Variants in BCL9 observed in about 807,000 individuals in gnomAD.
BCL9 encodes the protein BCL9 transcription coactivator, also known as B-cell CLL/lymphoma 9 protein.
In BCL9, 25 loss-of-function variants were observed where a neutral mutation model predicts 88.5. The observed-to-expected ratio is 0.28, with a 90% confidence interval of 0.21 to 0.39. The LOEUF is 0.39. BCL9 is among the 10% of genes least tolerant of loss of function. The probability of loss-of-function intolerance (pLI) is 1.00; values close to 1 mark genes in which losing one functional copy is unlikely to be tolerated. For synonymous variants in BCL9, 711 were observed against 673.3 expected (o/e 1.06, Z -0.87); for missense variants, 1,817 against 1,877.8 (o/e 0.97, Z 0.60).
At chr1:147,604,247 C>T (rs1296042721) in intron 1 of BCL9, among the ~76,000 whole-genome samples, 1 of 152,144 alleles carries the variant, frequency 6.6e-6, no homozygotes, top group Non-Finnish European at 1.5e-5. Context: ...TTCCCGTCCC[C>T]CAGGTCTATC....
chr1:147,574,747 G>T (rs782002155), intron 1 of BCL9, among the ~76,000 whole-genome samples: 5 of 152,288 alleles, frequency 3.3e-5, no homozygotes, highest in Middle Eastern at 6.8e-3. Context: ...TTTGTTTCAT[G>T]TCTGATTAAA....
At chr1:147,555,709 G>A (rs1655076721) in intron 1 of BCL9, among the ~76,000 whole-genome samples, 1 of 152,092 alleles carries the variant, frequency 6.6e-6, no homozygotes, top group Middle Eastern at 3.4e-3. Flanking sequence ...ATCATTTTTT[G>A]TCCCGGGTTC....
chr1:147,603,312 C>A (rs966304403), intron 1 of BCL9, among the ~76,000 whole-genome samples: 1 of 152,134 alleles, frequency 6.6e-6, no homozygotes, highest in African/African-American at 2.4e-5. Context: ...AGCAAAGGTC[C>A]CCATGGAGAT....
chr1:147,559,131 T>TC (rs1655253806), intron 1 of BCL9, among the ~76,000 whole-genome samples: 1 of 142,206 alleles, frequency 7.0e-6, no homozygotes, highest in Admixed American at 7.2e-5. Flanking sequence ...TCTTCTTCTT[T>TC]TTTTTTTTTG....
chr1:147,602,775 T>A (rs1048702509), intron 1 of BCL9, among the ~76,000 whole-genome samples: 1 of 152,148 alleles, frequency 6.6e-6, no homozygotes, highest in Non-Finnish European at 1.5e-5. Context: ...AAGTGTCTGC[T>A]CCTGTGAATA....
intron 1 of BCL9, among the ~76,000 whole-genome samples, chr1:147,574,039 A>G (rs79814755): frequency 0.021 from 3,248 of 152,172 alleles, 63 homozygotes; most frequent in Non-Finnish European, 0.031. Flanking sequence ...TATATATGTT[A>G]CCTCTTTAAT....
At position 147,619,149 on chromosome 1, in the gene BCL9, C is replaced by G; in HGVS notation, c.994C>G (p.Pro332Ala). 1 of 1,613,292 alleles carries G rather than the reference C, an allele frequency of 6.2e-7. No individual in the cohort carries two copies. Among genetic ancestry groups the G allele is most frequent in the African/African-American group, 1.3e-5 (1 of 75,042 alleles). ...NSSSADPKAPPPPPVSSGEPP... is the reference protein window; with the variant it reads ...NSSSADPKAPAPPPVSSGEPP... Reference sequence around the variant, plus strand: ...CTCTTCAGCAGATCCCAAAGCCCCTCCGCCTCCACCAGTGTCCAGTGGCGA... The same window carrying G: ...CTCTTCAGCAGATCCCAAAGCCCCTGCGCCTCCACCAGTGTCCAGTGGCGA... The change falls in exon 8 of 10, where the codon CCG (proline) becomes GCG (alanine). Residue 332 changes from proline to alanine, a missense_variant. Physicochemically the swap from Pro to Ala is conservative, Grantham distance 27. Around this residue, in one of 2 missense-constraint regions of BCL9, gnomAD observed 1,228 missense variants for 1,191.6 expected, o/e 1.03. Transcript: ENST00000234739. The surrounding 1 kb of genome is among the most constrained non-coding windows in gnomAD (Gnocchi z 4.1).
At chr1:147,616,296 A>G (rs1278932142) in intron 7 of BCL9, among the ~76,000 whole-genome samples, 2 of 152,268 alleles carry the variant, frequency 1.3e-5, no homozygotes, top group African/African-American at 4.8e-5. Context: ...TAAAACTTCT[A>G]GAGTACATGA....
chr1:147,620,268 C>A lies in BCL9; in HGVS notation c.2113C>A (p.Arg705=). Residue 705 remains arginine (R), a synonymous_variant, in exon 8 of 10, where the codon CGG becomes AGG. Coordinates refer to ENST00000234739, the MANE Select transcript of BCL9 (RefSeq NM_004326.4). The part of the protein sequence containing the change: ...KGIPPQMGPG[R]ELEFGMVPSG... ...AATTCCCCCACAGATGGGCCCTGGT[C>A]GGGAACTTGAGTTTGGGATGGTTCC... 1 of 1,614,144 alleles carries A rather than the reference C, an allele frequency of 6.2e-7. No individual in the cohort carries two copies. Among genetic ancestry groups the A allele is most frequent in the East Asian group, 2.2e-5 (1 of 44,882 alleles).
At chr1:147,564,436 G>T (rs1655516352) in intron 1 of BCL9, among the ~76,000 whole-genome samples, 1 of 152,038 alleles carries the variant, frequency 6.6e-6, no homozygotes, top group East Asian at 1.9e-4. Flanking sequence ...ACTGGAGGTT[G>T]TACTGCCCGT....
At chr1:147,583,926 C>T (rs587775567) in intron 1 of BCL9, among the ~76,000 whole-genome samples, 1 of 152,062 alleles carries the variant, frequency 6.6e-6, no homozygotes, top group South Asian at 2.1e-4. Context: ...GCCCTCCCTC[C>T]AGCCTGAATG....
chr1:147,547,838 G>GT lies in BCL9; in HGVS notation c.-478+6166dup, dbSNP rs763687672. Among the ~76,000 whole-genome samples the GT allele has an allele frequency of 3.8e-4, 58 of 152,170 alleles. 1 individual carries two copies. The highest frequency in any genetic ancestry group is 7.3e-4 in the Non-Finnish European group (50 of 68,034). On this transcript the variant is annotated intron_variant, in intron 1 of 9. Coordinates refer to ENST00000234739, the MANE Select transcript of BCL9 (RefSeq NM_004326.4). Reference sequence around the variant, plus strand: ...TCTGTAGAAATTTGTGAAGCGTTTGGTTACCGATGAATGCTAAACATTATA... The same window carrying GT: ...TCTGTAGAAATTTGTGAAGCGTTTGGTTTACCGATGAATGCTAAACATTATA...
rs1658693455 is a variant in BCL9, at chr1:147,622,436, C to T, written c.3068C>T (p.Pro1023Leu). ...MSKFAMPSSTPLYHDAIKTVA... is the reference protein window; with the variant it reads ...MSKFAMPSSTLLYHDAIKTVA... The stretch of plus-strand genomic sequence containing the variant: ...AAGTTTGCAATGCCCAGTTCCACCC[C>T]GTTATACCATGATGCTATCAAGACT... The change falls in exon 9 of 10, where the codon CCG (proline) becomes CTG (leucine). Residue 1023 changes from proline to leucine, a missense_variant. Pro to Leu is a moderately conservative substitution (Grantham distance 98, BLOSUM62 -3). This residue lies in a region of BCL9 where 589 missense variants were observed against 686.2 expected (regional missense o/e 0.86). Coordinates refer to ENST00000234739, the MANE Select transcript of BCL9 (RefSeq NM_004326.4). 2.5e-6 allele frequency: 4 copies of T among 1,614,110 alleles called. No homozygotes were observed. The highest frequency in any genetic ancestry group is 1.1e-5 in the South Asian group (1 of 91,078).
intron 1 of BCL9, among the ~76,000 whole-genome samples, chr1:147,546,923 A>G (rs371310021): frequency 5.3e-5 from 8 of 152,318 alleles, no homozygotes; most frequent in African/African-American, 1.9e-4. Context: ...TTTTCTGTAT[A>G]AGTATGAATT....
intron 1 of BCL9, among the ~76,000 whole-genome samples, chr1:147,563,390 G>T (rs782586647): frequency 6.6e-6 from 1 of 152,180 alleles, no homozygotes; most frequent in East Asian, 1.9e-4. Flanking sequence ...GAATAAATGA[G>T]TGGGTTCTAT....
Position 147,623,775 on chromosome 1 carries a change from A to T in BCL9, c.3164-67A>T. The T allele has an allele frequency of 5.3e-6, 8 of 1,507,434 alleles. No individual in the cohort carries two copies. In the Admixed American group the frequency reaches 1.2e-4, roughly 23 times the overall value. 93.4% of individuals were successfully genotyped at this position (1,507,434 alleles called of 1,614,324 possible). On this transcript the variant is annotated intron_variant, in intron 9 of 9. Transcript: ENST00000234739. Reference sequence around the variant, plus strand: ...TGGATGCACAATAGTTTTTTTGTTAATTTATTATAGTTTTTCTGAGTTGAT... The same window carrying T: ...TGGATGCACAATAGTTTTTTTGTTATTTTATTATAGTTTTTCTGAGTTGAT...
chr1:147,570,854 C>G (rs1201479419), intron 1 of BCL9, among the ~76,000 whole-genome samples: 2 of 151,980 alleles, frequency 1.3e-5, no homozygotes, highest in South Asian at 4.1e-4. Flanking sequence ...AGGCTGGTCT[C>G]GAACTCCTGA....
chr1:147,617,633 T>A lies in BCL9; in HGVS notation c.661-1183T>A, dbSNP rs587721415. On this transcript the variant is annotated intron_variant, in intron 7 of 9. Coordinates refer to ENST00000234739, the MANE Select transcript of BCL9 (RefSeq NM_004326.4). ...AAGTGCTCAAAGATATGTTTTCATG[T>A]GTATACAACACAAATTGTTCATATG... 1.5e-3 allele frequency among the ~76,000 whole-genome samples: 226 copies of A among 152,362 alleles called. 2 individuals carry two copies. Among genetic ancestry groups the A allele is most frequent in the Non-Finnish European group, 2.7e-3 (187 of 68,036 alleles).
At chr1:147,610,305 C>A (rs1306653417) in intron 3 of BCL9, among the ~76,000 whole-genome samples, 1 of 152,002 alleles carries the variant, frequency 6.6e-6, no homozygotes, top group African/African-American at 2.4e-5. Flanking sequence ...TATTCTAGTT[C>A]TTTTTCCTGA....
Sources: allele counts gnomAD v4.1 joint callset (sites outside exome capture counted in the v4.1 genomes callset), GRCh38; gene constraint gnomAD v4.1.1; regional missense constraint gnomAD v4.1.1; non-coding constraint Gnocchi (gnomAD v3.1); transcripts MANE v1.5; gene names NCBI Gene and HGNC (gene_info 2026-07-23, HGNC 2026-07-21).